Variants in SMCHD1 observed in about 807,000 individuals in gnomAD.
The protein encoded by SMCHD1 is structural maintenance of chromosomes flexible hinge domain containing 1.
In SMCHD1, 78 loss-of-function variants were observed where a neutral mutation model predicts 254.7. That is an observed-to-expected ratio of 0.31 (90% confidence interval 0.26 to 0.37). The LOEUF is 0.37. Ranked by LOEUF, SMCHD1 falls within the 10% of genes least tolerant of loss-of-function variation. The pLI is 1.00. For missense variants in SMCHD1, 1,840 were observed against 2,408.1 expected (o/e 0.76, Z 4.94); for synonymous variants, 766 against 794.9 (o/e 0.96, Z 0.61).
chr18:2,705,320 A>G (rs1423484529), intron 13 of SMCHD1, among the ~76,000 whole-genome samples: 1 of 152,214 alleles, frequency 6.6e-6, no homozygotes, highest in Admixed American at 6.5e-5. Flanking sequence ...GAAAAATAAT[A>G]TTAACTTGTC....
Position 2,796,183 on chromosome 18 carries a change from G to A in SMCHD1, c.5878+76G>A, listed in dbSNP as rs554675947. 63 of 1,274,876 alleles carry A rather than the reference G, an allele frequency of 4.9e-5. 1 individual carries two copies. The highest frequency in any genetic ancestry group is 6.1e-5 in the Non-Finnish European group (58 of 946,908). The allele number at this position is 1,274,876 out of a possible 1,614,324, so 79.0% of individuals were successfully genotyped here. A position where few individuals can be genotyped will look rare whatever the true frequency, so the allele number is the denominator to read the frequency against. On this transcript the variant is annotated intron_variant, in intron 46 of 47. Coordinates refer to ENST00000320876, the MANE Select transcript of SMCHD1 (RefSeq NM_015295.3). ...ATTTATGATGAGAGAGAATCCAACCGTAAGAAAAAAGAATGCAAATGATTC... is the reference window on the plus strand; with the variant it reads ...ATTTATGATGAGAGAGAATCCAACCATAAGAAAAAAGAATGCAAATGATTC...
At chr18:2,747,981 A>G (rs956048121) in intron 30 of SMCHD1, among the ~76,000 whole-genome samples, 3 of 152,174 alleles carry the variant, frequency 2.0e-5, no homozygotes, top group Non-Finnish European at 4.4e-5. Flanking sequence ...ACAGTGACCT[A>G]CAGAATGGAT....
At chr18:2,700,113 G>C (rs193062395) in intron 10 of SMCHD1, among the ~76,000 whole-genome samples, 41 of 152,240 alleles carry the variant, frequency 2.7e-4, no homozygotes, top group African/African-American at 8.9e-4. Context: ...TTCAAACTAG[G>C]TAAACTCGCT....
Position 2,746,838 on chromosome 18 carries a change from CTG to C in SMCHD1, c.3802-680_3802-679del, listed in dbSNP as rs574226552. Among the ~76,000 whole-genome samples the C allele has an allele frequency of 4.1e-3, 623 of 152,210 alleles. 4 individuals are homozygous for C. The highest frequency in any genetic ancestry group is 0.014 in the African/African-American group (592 of 41,540). The stretch of plus-strand genomic sequence containing the variant: ...CTTTTGTCAGGTATCTTGTTTAACA[CTG>C]TGTTTCCTTTGATGTGCCCAATATT... On this transcript the variant is annotated intron_variant, in intron 29 of 47. Transcript: ENST00000320876.
At chr18:2,755,577 T>TA (rs1277018037) in intron 34 of SMCHD1, among the ~76,000 whole-genome samples, 1 of 143,230 alleles carries the variant, frequency 7.0e-6, no homozygotes, top group Non-Finnish European at 1.5e-5. Context: ...TTTTTTTTTT[T>TA]TTTTTTTTGA....
At chr18:2,663,110 G>A (rs768189509) in intron 1 of SMCHD1, among the ~76,000 whole-genome samples, 2 of 151,838 alleles carry the variant, frequency 1.3e-5, no homozygotes, top group Non-Finnish European at 2.9e-5. Flanking sequence ...TGTGCTATTT[G>A]CATCTTTTGA....
intron 15 of SMCHD1, 131 bp from the exon 16 acceptor site, chr18:2,707,432 A>G (rs2074544144): frequency 2.0e-6 from 1 of 492,654 alleles, no homozygotes; most frequent in Non-Finnish European, 3.4e-6. Context: ...GATTAATCGT[A>G]AAGAATTCCA....
At chr18:2,662,089 G>A (rs2073282027) in intron 1 of SMCHD1, among the ~76,000 whole-genome samples, 1 of 143,338 alleles carries the variant, frequency 7.0e-6, no homozygotes, top group African/African-American at 2.8e-5. Context: ...AACCCGGGAA[G>A]CGGAGCTTGC....
At chr18:2,690,777 C>T (rs2143078201) in intron 7 of SMCHD1, among the ~76,000 whole-genome samples, 1 of 151,952 alleles carries the variant, frequency 6.6e-6, no homozygotes, top group East Asian at 1.9e-4. Context: ...AGCCACCACG[C>T]CCAGCCTGAA....
chr18:2,771,848 A>G (rs2075989609), intron 40 of SMCHD1, among the ~76,000 whole-genome samples: 1 of 152,244 alleles, frequency 6.6e-6, no homozygotes, highest in African/African-American at 2.4e-5. Context: ...AATTAATAAT[A>G]CATCAGTTCA....
intron 5 of SMCHD1, among the ~76,000 whole-genome samples, chr18:2,685,105 T>TTTTA (rs1555629870): frequency 7.5e-6 from 1 of 133,730 alleles, no homozygotes; most frequent in East Asian, 2.2e-4. Flanking sequence ...TTTTTTTCTT[T>TTTTA]TTTTTTTTTT....
intron 44 of SMCHD1, among the ~76,000 whole-genome samples, chr18:2,781,632 A>G (rs544413179): frequency 6.6e-6 from 1 of 152,348 alleles, no homozygotes; most frequent in Non-Finnish European, 1.5e-5. Flanking sequence ...TGATTAATAT[A>G]GTTCAAAAAA....
chr18:2,777,803 T>C lies in SMCHD1; in HGVS notation c.5367-3T>C. ...TATCTTTTTAAAATTTCTTTTTATT[T>C]AGATCTCTACCTCATTTCCGAAATG... On this transcript the variant is annotated splice_region_variant and splice_polypyrimidine_tract_variant and intron_variant, in intron 42 of 47. Coordinates refer to ENST00000320876, the MANE Select transcript of SMCHD1 (RefSeq NM_015295.3). 2 of 1,483,998 alleles carry C rather than the reference T, an allele frequency of 1.3e-6. No homozygotes were observed. Among genetic ancestry groups the C allele is most frequent in the South Asian group, 2.6e-5 (2 of 76,192 alleles). The allele number at this position is 1,483,998 out of a possible 1,614,324, so 91.9% of individuals were successfully genotyped here.
intron 29 of SMCHD1, among the ~76,000 whole-genome samples, chr18:2,746,851 G>C (rs2075463473): frequency 6.6e-6 from 1 of 152,076 alleles, no homozygotes; most frequent in Non-Finnish European, 1.5e-5. Context: ...TGTTTCCTTT[G>C]ATGTGCCCAA....
intron 45 of SMCHD1, among the ~76,000 whole-genome samples, chr18:2,794,328 T>TA (rs1292421748): frequency 1.3e-5 from 2 of 152,084 alleles, no homozygotes; most frequent in South Asian, 2.1e-4. Flanking sequence ...ACCCCGTCTC[T>TA]AAAAAAATTA....
In SMCHD1 at chr18:2,732,289, G is replaced by T; in HGVS notation, c.3073G>T (p.Glu1025Ter). Residue 1025 changes from glutamate (E) to a stop codon, truncating the protein, a stop_gained, in exon 25 of 48, where the codon GAG becomes TAG. Transcript: ENST00000320876. LOFTEE classifies it high-confidence loss of function. ...GAGTTGTAAAGATGTGGCACCTGTG[G>T]AGAAGACTATTAAGTTGCTTCCCAG... ...IPSCKDVAPV[E>*]KTIKLLPSSH... 1 of 1,613,662 alleles carries T rather than the reference G, an allele frequency of 6.2e-7. No homozygotes were observed. Among genetic ancestry groups the T allele is most frequent in the South Asian group, 1.1e-5 (1 of 91,054 alleles).
At chr18:2,788,183 C>CA (rs2076268646) in intron 45 of SMCHD1, among the ~76,000 whole-genome samples, 1 of 152,100 alleles carries the variant, frequency 6.6e-6, no homozygotes, top group Non-Finnish European at 1.5e-5. Flanking sequence ...CAGTTATAAG[C>CA]AAAGTATTTG....
In SMCHD1 at chr18:2,655,935, C is replaced by CGCT. The variant is rs1435034179; in HGVS notation, c.-139_-137dup. The stretch of plus-strand genomic sequence containing the variant: ...GCGCCTGCCGCTGCTCGGCCGCCGC[C>CGCT]GCTGACGAGGAGCTGCAGCGCGCCG... On this transcript the variant is annotated 5_prime_UTR_variant, in exon 1 of 48. Transcript: ENST00000320876. 3.6e-6 allele frequency: 2 copies of CGCT among 562,814 alleles called. No individual in the cohort carries two copies. The highest frequency in any genetic ancestry group is 2.6e-6 in the Non-Finnish European group (1 of 380,842). The allele number at this position is 562,814 out of a possible 1,614,324, so 34.9% of individuals were successfully genotyped here.
At chr18:2,711,802 C>T (rs920494441) in intron 17 of SMCHD1, among the ~76,000 whole-genome samples, 6 of 152,166 alleles carry the variant, frequency 3.9e-5, no homozygotes, top group East Asian at 1.9e-4. Context: ...TCTTGATCCC[C>T]GGTGTTGGAG....
Sources: gnomAD v4.1 joint callset for allele counts (sites outside exome capture counted in the v4.1 genomes callset) on GRCh38, gnomAD v4.1.1 for gene constraint, MANE v1.5 for transcripts, NCBI Gene and HGNC (gene_info 2026-07-23, HGNC 2026-07-21) for gene names.